Variants in CEP112 observed in about 807,000 individuals in gnomAD.
CEP112 encodes centrosomal protein 112, also known as centrosomal protein of 112 kDa.
In CEP112, 127 loss-of-function variants were observed where a neutral mutation model predicts 153.0. The ratio of observed to expected loss-of-function variants is 0.83; its 90% CI spans 0.72 to 0.96. The LOEUF (loss-of-function observed/expected upper bound fraction) is 0.96, where lower values mean the gene tolerates loss of function less well. Ranked by LOEUF, CEP112 falls within the 40% of genes least tolerant of loss-of-function variation. The probability of loss-of-function intolerance (pLI) is 0.00; values close to 1 mark genes in which losing one functional copy is unlikely to be tolerated. For missense variants in CEP112, 1,089 were observed against 1,101.2 expected (o/e 0.99, Z 0.16); for synonymous variants, 358 against 374.4 (o/e 0.96, Z 0.51).
At chr17:65,848,534 T>A (rs1334709838) in intron 21 of CEP112, among the ~76,000 whole-genome samples, 1 of 152,130 alleles carries the variant, frequency 6.6e-6, no homozygotes, top group East Asian at 1.9e-4. Context: ...TCCTTCACAG[T>A]TGCCCTCTCT....
At chr17:66,075,557 G>GA (rs1340200718) in intron 8 of CEP112, among the ~76,000 whole-genome samples, 1 of 152,108 alleles carries the variant, frequency 6.6e-6, no homozygotes, top group East Asian at 1.9e-4. Context: ...CAGTGGAAAC[G>GA]AACACCAACA....
At chr17:66,064,646 A>G (rs2067047654) in intron 10 of CEP112, among the ~76,000 whole-genome samples, 1 of 152,184 alleles carries the variant, frequency 6.6e-6, no homozygotes, top group Non-Finnish European at 1.5e-5. Flanking sequence ...AAGTTAACCT[A>G]ATGTGGGTCT....
intron 21 of CEP112, among the ~76,000 whole-genome samples, chr17:65,801,312 C>G (rs1296543369): frequency 6.6e-6 from 1 of 152,176 alleles, no homozygotes; most frequent in Non-Finnish European, 1.5e-5. Flanking sequence ...CCTGCCTTAG[C>G]CTCCCAAACT....
At chr17:65,877,309 G>T (rs1030286343) in intron 20 of CEP112, among the ~76,000 whole-genome samples, 4 of 152,218 alleles carry the variant, frequency 2.6e-5, no homozygotes, top group African/African-American at 9.6e-5. Context: ...GAAATGCAGG[G>T]GCAGATGCCC....
chr17:65,910,871 G>A (rs547494797), intron 19 of CEP112, among the ~76,000 whole-genome samples: 14 of 152,208 alleles, frequency 9.2e-5, no homozygotes, highest in South Asian at 2.1e-4. Flanking sequence ...GAAAAGAAAC[G>A]TGAAAGAAAC....
intron 24 of CEP112, among the ~76,000 whole-genome samples, chr17:65,668,422 C>A (rs924873605): frequency 1.3e-5 from 2 of 152,300 alleles, no homozygotes; most frequent in African/African-American, 4.8e-5. Flanking sequence ...ATCCAAGAGA[C>A]CTTATTACCC....
chr17:65,795,612 G>A (rs1426662602), intron 21 of CEP112, among the ~76,000 whole-genome samples: 1 of 152,092 alleles, frequency 6.6e-6, no homozygotes, highest in African/African-American at 2.4e-5. Flanking sequence ...AGGAGTTCAA[G>A]ACCAGCCTGG....
rs56821742 is a variant in CEP112 at position 66,010,970 on chromosome 17, C to T, written c.1657-5201G>A. The stretch of plus-strand genomic sequence containing the variant: ...TTTGGTATCAGTATGATGCTAACCT[C>T]ACAGGATGAGTTAAGGAGGAGTCCC... On this transcript the variant is annotated intron_variant, in intron 16 of 26. Transcript: ENST00000535342. Among the ~76,000 whole-genome samples, 386 of 152,186 alleles carry T rather than the reference C, an allele frequency of 2.5e-3. 2 individuals are homozygous for T. Among genetic ancestry groups the T allele is most frequent in the African/African-American group, 8.6e-3 (357 of 41,522 alleles).
chr17:65,909,996 G>A (rs2060225380), intron 19 of CEP112, among the ~76,000 whole-genome samples: 1 of 152,182 alleles, frequency 6.6e-6, no homozygotes, highest in East Asian at 1.9e-4. Flanking sequence ...CTACTAGAGA[G>A]AGATGAATCA....
intron 19 of CEP112, among the ~76,000 whole-genome samples, chr17:65,914,660 A>T (rs961839404): frequency 6.6e-6 from 1 of 152,162 alleles, no homozygotes. Flanking sequence ...CAAATTAAGC[A>T]TGCTGCTCTT....
chr17:65,889,931 A>C (rs968631744), intron 20 of CEP112, among the ~76,000 whole-genome samples: 1 of 152,100 alleles, frequency 6.6e-6, no homozygotes, highest in African/African-American at 2.4e-5. Context: ...TCTGCTTAAA[A>C]TTCTGCAGTG....
At chr17:65,901,418 A>T (rs1296785650) in intron 20 of CEP112, among the ~76,000 whole-genome samples, 4 of 152,228 alleles carry the variant, frequency 2.6e-5, no homozygotes, top group Non-Finnish European at 4.4e-5. Context: ...ACTCTACAGA[A>T]TGTATTGTAT....
intron 6 of CEP112, among the ~76,000 whole-genome samples, chr17:66,120,671 A>T (rs2069533052): frequency 6.6e-6 from 1 of 152,082 alleles, no homozygotes; most frequent in Non-Finnish European, 1.5e-5. Flanking sequence ...GTAATCTCTT[A>T]TTATACTTTG....
intron 21 of CEP112, among the ~76,000 whole-genome samples, chr17:65,807,238 T>C (rs950932058): frequency 1.3e-5 from 2 of 152,194 alleles, no homozygotes; most frequent in Non-Finnish European, 2.9e-5. Flanking sequence ...TGGAAGAAAT[T>C]TCTAAGCAGC....
At chr17:65,898,270 G>A (rs1370290914) in intron 20 of CEP112, among the ~76,000 whole-genome samples, 2 of 152,008 alleles carry the variant, frequency 1.3e-5, no homozygotes, top group African/African-American at 4.8e-5. Flanking sequence ...TTTACCCTTC[G>A]AGTAATCTTT....
At chr17:65,962,080 C>T (rs1401618345) in intron 17 of CEP112, among the ~76,000 whole-genome samples, 1 of 152,052 alleles carries the variant, frequency 6.6e-6, no homozygotes, top group Non-Finnish European at 1.5e-5. Context: ...ACAGAAAGTA[C>T]CTTAGTAGTT....
At chr17:65,789,237 C>T (rs949910309) in intron 21 of CEP112, among the ~76,000 whole-genome samples, 3 of 152,158 alleles carry the variant, frequency 2.0e-5, no homozygotes, top group African/African-American at 7.2e-5. Context: ...CCCTCTCTCT[C>T]GCTCTTGACA....
At chr17:65,654,220 A>G (rs1291367846) in intron 24 of CEP112, among the ~76,000 whole-genome samples, 1 of 152,178 alleles carries the variant, frequency 6.6e-6, no homozygotes, top group African/African-American at 2.4e-5. Flanking sequence ...AACTGCCAAG[A>G]AAAATCCGTT....
chr17:66,033,993 G>C (rs1172264902), intron 12 of CEP112, among the ~76,000 whole-genome samples: 1 of 151,982 alleles, frequency 6.6e-6, no homozygotes, highest in African/African-American at 2.4e-5. Flanking sequence ...CAGGATGTGA[G>C]ACCCACTTAC....
Sources: allele counts gnomAD v4.1 joint callset (sites outside exome capture counted in the v4.1 genomes callset), GRCh38; gene constraint gnomAD v4.1.1; transcripts MANE v1.5; gene names NCBI Gene and HGNC (gene_info 2026-07-23, HGNC 2026-07-21).